FRAS1: variants seen among roughly 807,000 people sequenced by gnomAD.
FRAS1 encodes Fraser extracellular matrix complex subunit 1.
FRAS1 carries 290 observed loss-of-function variants against 435.2 expected under a neutral mutation model. That is an observed-to-expected ratio of 0.67 (90% confidence interval 0.61 to 0.73). The LOEUF (loss-of-function observed/expected upper bound fraction) is 0.73, where lower values mean the gene tolerates loss of function less well. Ranked by LOEUF, FRAS1 falls within the 30% of genes least tolerant of loss-of-function variation. The probability of loss-of-function intolerance (pLI) is 0.00; values close to 1 mark genes in which losing one functional copy is unlikely to be tolerated. For synonymous variants in FRAS1, 1,800 were observed against 1,851.0 expected (o/e 0.97, Z 0.71); for missense variants, 4,860 against 5,001.5 (o/e 0.97, Z 0.85).
intron 40 of FRAS1, among the ~76,000 whole-genome samples, chr4:78,440,198 T>C (rs998411747): frequency 4.0e-5 from 6 of 150,754 alleles, no homozygotes; most frequent in African/African-American, 1.5e-4. Flanking sequence ...GCCCGGCTAA[T>C]TTTTTTTGTA....
At chr4:78,180,153 G>A (rs1392372296) in intron 2 of FRAS1, among the ~76,000 whole-genome samples, 1 of 152,082 alleles carries the variant, frequency 6.6e-6, no homozygotes, top group Non-Finnish European at 1.5e-5. Context: ...TGGGTGTGCT[G>A]GATGTGGTGA....
chr4:78,095,496 C>G (rs746567570), intron 2 of FRAS1, among the ~76,000 whole-genome samples: 4 of 152,166 alleles, frequency 2.6e-5, no homozygotes, highest in Admixed American at 1.3e-4. Context: ...AATTCATGTG[C>G]TGAAGTCCTG....
rs748365788 is a variant in FRAS1 at position 78,464,564 on chromosome 4, C to T, written c.7010C>T (p.Ala2337Val). Reference protein sequence around the residue: ...RKTITEFELKAVDADTEAESV... With the variant: ...RKTITEFELKVVDADTEAESV... ...ACCATCACAGAGTTTGAGCTTAAGGCGGTGGATGCTGACACAGAGGTAAGA... is the reference window on the plus strand; with the variant it reads ...ACCATCACAGAGTTTGAGCTTAAGGTGGTGGATGCTGACACAGAGGTAAGA... Residue 2337 changes from alanine to valine, a missense_variant, in exon 49 of 74, where the codon GCG becomes GTG. Transcript: ENST00000512123. 32 of 1,613,700 alleles carry T rather than the reference C, an allele frequency of 2.0e-5. No homozygotes were observed. The highest frequency in any genetic ancestry group is 2.5e-5 in the Non-Finnish European group (30 of 1,179,822).
intron 38 of FRAS1, among the ~76,000 whole-genome samples, chr4:78,435,226 C>T (rs928350721): frequency 6.6e-6 from 1 of 152,142 alleles, no homozygotes; most frequent in Non-Finnish European, 1.5e-5. Flanking sequence ...CTACACTCTG[C>T]ACTTGCTCCA....
chr4:78,501,129 C>T (rs1362058658), intron 61 of FRAS1, among the ~76,000 whole-genome samples: 2 of 152,124 alleles, frequency 1.3e-5, no homozygotes, highest in Admixed American at 1.3e-4. Flanking sequence ...CCTTCATCCT[C>T]CAACAGGCCC....
At chr4:78,442,676 G>C (rs550534447) in intron 41 of FRAS1, among the ~76,000 whole-genome samples, 15 of 152,342 alleles carry the variant, frequency 9.8e-5, no homozygotes, top group Middle Eastern at 6.8e-3. Context: ...TGGCTAAGAA[G>C]TCAAATTTCT....
At chr4:78,113,493 T>C (rs1037245597) in intron 2 of FRAS1, among the ~76,000 whole-genome samples, 1 of 152,140 alleles carries the variant, frequency 6.6e-6, no homozygotes, top group African/African-American at 2.4e-5. Context: ...GCACCTGTTG[T>C]TTCCTGACTT....
At chr4:78,319,915 C>T (rs1729431461) in intron 18 of FRAS1, among the ~76,000 whole-genome samples, 1 of 152,146 alleles carries the variant, frequency 6.6e-6, no homozygotes, top group African/African-American at 2.4e-5. Flanking sequence ...ATGCAGAGGC[C>T]CAGGGCCAGA....
intron 69 of FRAS1, among the ~76,000 whole-genome samples, chr4:78,523,748 T>C (rs957499962): frequency 7.2e-5 from 11 of 152,208 alleles, no homozygotes; most frequent in African/African-American, 2.7e-4. Context: ...GTGCTTCATG[T>C]TCTTTGTCCC....
intron 2 of FRAS1, among the ~76,000 whole-genome samples, chr4:78,162,341 G>A (rs951891394): frequency 1.3e-5 from 2 of 152,146 alleles, no homozygotes; most frequent in Non-Finnish European, 2.9e-5. Flanking sequence ...TTTCCATCTT[G>A]TTGTTCGGTC....
intron 14 of FRAS1, among the ~76,000 whole-genome samples, chr4:78,292,881 A>C (rs1727962420): frequency 6.6e-6 from 1 of 152,142 alleles, no homozygotes; most frequent in South Asian, 2.1e-4. Flanking sequence ...TCTACTCTTT[A>C]AATCCTATGC....
intron 14 of FRAS1, among the ~76,000 whole-genome samples, chr4:78,291,565 C>CT (rs1163029818): frequency 6.6e-6 from 1 of 152,146 alleles, no homozygotes; most frequent in African/African-American, 2.4e-5. Context: ...GAAAGCCCTT[C>CT]ATATAAGTTT....
chr4:78,265,832 C>T (rs986750655), intron 7 of FRAS1, among the ~76,000 whole-genome samples: 2 of 152,208 alleles, frequency 1.3e-5, no homozygotes, highest in African/African-American at 4.8e-5. Flanking sequence ...GGGGTCATGA[C>T]TCTCAGTAGA....
intron 35 of FRAS1, 127 bp from the exon 36 acceptor site, chr4:78,428,968 G>T: frequency 6.6e-6 from 6 of 912,768 alleles, no homozygotes; most frequent in Non-Finnish European, 9.8e-6. Flanking sequence ...GTGCAAAAAA[G>T]TTTCTAGCTA....
At chr4:78,345,477 C>T (rs1435277995) in intron 20 of FRAS1, among the ~76,000 whole-genome samples, 1 of 152,062 alleles carries the variant, frequency 6.6e-6, no homozygotes, top group Non-Finnish European at 1.5e-5. Context: ...GTTCTTATCT[C>T]CTCTTTTTCA....
Position 78,348,081 on chromosome 4 carries a change from C to T in FRAS1, c.2422+10264C>T, listed in dbSNP as rs1319674019. Among the ~76,000 whole-genome samples, 4 of 45,054 alleles carry T rather than the reference C, an allele frequency of 8.9e-5. 2 individuals are homozygous for T. The highest frequency in any genetic ancestry group is 1.7e-4 in the Non-Finnish European group (4 of 23,942). 29.6% of individuals were successfully genotyped at this position (45,054 alleles called of 152,430 possible). Reference sequence around the variant, plus strand: ...GATTTCTGCATTTCCATCTGAGGTACCGGGTTCATCTCACTAGGGAGTGCC... The same window carrying T: ...GATTTCTGCATTTCCATCTGAGGTATCGGGTTCATCTCACTAGGGAGTGCC... On this transcript the variant is annotated intron_variant, in intron 20 of 73. Transcript: ENST00000512123.
intron 49 of FRAS1, among the ~76,000 whole-genome samples, 196 bp from the exon 50 acceptor site, chr4:78,466,012 A>G (rs915825039): frequency 3.9e-5 from 6 of 152,254 alleles, no homozygotes; most frequent in Non-Finnish European, 5.9e-5. Context: ...TGAAGGTACC[A>G]GAATATAAGC....
chr4:78,489,203 A>G (rs1046549001), intron 59 of FRAS1, 123 bp downstream of exon 59: 2 of 858,422 alleles, frequency 2.3e-6, no homozygotes, highest in African/African-American at 1.7e-5. Context: ...TGACCCTTGA[A>G]CAATGCAGGG....
intron 35 of FRAS1, among the ~76,000 whole-genome samples, chr4:78,428,133 GCT>G (rs896805821): frequency 2.6e-5 from 4 of 152,174 alleles, no homozygotes; most frequent in Non-Finnish European, 5.9e-5. Flanking sequence ...AGGCAATTCT[GCT>G]CTCGTATTTT....
Sources: allele counts gnomAD v4.1 joint callset (sites outside exome capture counted in the v4.1 genomes callset), GRCh38; gene constraint gnomAD v4.1.1; transcripts MANE v1.5; gene names NCBI Gene and HGNC (gene_info 2026-07-23, HGNC 2026-07-21).